Variants in DENND4A observed in about 807,000 individuals in gnomAD.
DENND4A encodes DENN domain containing 4A.
DENND4A carries 70 observed loss-of-function variants against 199.3 expected under a neutral mutation model. That is an observed-to-expected ratio of 0.35 (90% confidence interval 0.29 to 0.43). The LOEUF (loss-of-function observed/expected upper bound fraction) is 0.43. DENND4A is among the 20% of genes least tolerant of loss of function. The probability of loss-of-function intolerance (pLI) is 1.00; values close to 1 mark genes in which losing one functional copy is unlikely to be tolerated. For missense variants in DENND4A, 1,723 were observed against 2,255.8 expected (o/e 0.76, Z 4.78); for synonymous variants, 686 against 766.9 (o/e 0.89, Z 1.74).
At chr15:65,717,718 T>C in intron 13 of DENND4A, 60 bp downstream of exon 13, 3 of 1,383,742 alleles carry the variant, frequency 2.2e-6, no homozygotes, top group Non-Finnish European at 2.9e-6. Flanking sequence ...AGACAGCAAA[T>C]GAATCATCAC....
At chr15:65,671,308 C>T (rs1467177803) in intron 25 of DENND4A, among the ~76,000 whole-genome samples, 2 of 152,222 alleles carry the variant, frequency 1.3e-5, no homozygotes, top group Non-Finnish European at 2.9e-5. Flanking sequence ...ATCTGAAATA[C>T]TGGATATCCA....
rs1183824274 is a variant in DENND4A at position 65,690,487 on chromosome 15, A to G, written c.4107T>C (p.Thr1369=). 1 of 1,612,036 alleles carries G rather than the reference A, an allele frequency of 6.2e-7. No homozygotes were observed. ...KLDVLRNSMF[T]AGKGVAEKAS... is the part of the protein sequence containing the mutation. The stretch of plus-strand genomic sequence containing the variant: ...CTTTCTCTGCAACTCCTTTTCCAGC[A>G]GTGAACATACTGTTTCTTAGAACAT... The change falls in exon 23 of 33, where the codon ACT becomes ACC. Residue 1369 remains threonine, a synonymous_variant. Coordinates refer to ENST00000443035, the MANE Select transcript of DENND4A (RefSeq NM_001320835.1).
chr15:65,717,968 G>A lies in DENND4A; in HGVS notation c.1617C>T (p.Leu539=), dbSNP rs2075460740. The change falls in exon 13 of 33, where the codon CTC becomes CTT. Residue 539 remains leucine (L), a synonymous_variant. Transcript: ENST00000443035. The stretch of plus-strand genomic sequence containing the variant: ...CATAGTCATTTATTGCTAAATCCAT[G>A]AGTCCATCATCTCTCGGTCTCTGCT... ...KLQQRPRDDG[L]MDLAINDYDF... 17 of 1,605,588 alleles carry A rather than the reference G, an allele frequency of 1.1e-5. No homozygotes were observed. Among genetic ancestry groups the A allele is most frequent in the South Asian group, 2.2e-5 (2 of 89,454 alleles).
At chr15:65,675,519 A>G (rs1323875415) in intron 24 of DENND4A, among the ~76,000 whole-genome samples, 1 of 152,094 alleles carries the variant, frequency 6.6e-6, no homozygotes, top group Non-Finnish European at 1.5e-5. Flanking sequence ...TTATATAAGC[A>G]ACAAAGGATT....
chr15:65,745,099 A>G (rs2076355115), intron 4 of DENND4A, among the ~76,000 whole-genome samples: 1 of 152,224 alleles, frequency 6.6e-6, no homozygotes, highest in South Asian at 2.1e-4. Flanking sequence ...CAATGAGAAG[A>G]TATCATAAAT....
chr15:65,779,599 C>CCTGCTTGG, intron 1 of DENND4A, among the ~76,000 whole-genome samples: 1 of 152,098 alleles, frequency 6.6e-6, no homozygotes. Context: ...AAGTGATCCT[C>CCTGCTTGG]CCACCTCAGC....
At chr15:65,697,026 T>A in intron 21 of DENND4A, 1 of 381,004 alleles carries the variant, frequency 2.6e-6, no homozygotes, top group Non-Finnish European at 4.7e-6. Context: ...ATTTTTGGAA[T>A]TACGTAGCAT....
chr15:65,751,069 C>T (rs558133008), intron 4 of DENND4A, among the ~76,000 whole-genome samples: 134 of 152,220 alleles, frequency 8.8e-4, no homozygotes, highest in African/African-American at 3.1e-3. Flanking sequence ...ATTGTATGAC[C>T]TGTAAAACTT....
chr15:65,718,083 G>T, intron 12 of DENND4A, 87 bp from the exon 13 acceptor site: 1 of 976,084 alleles, frequency 1.0e-6, no homozygotes, highest in Non-Finnish European at 1.5e-6. Context: ...ATTTTCAAAA[G>T]GACCCAAGCT....
At position 65,680,571 on chromosome 15, in the gene DENND4A, G is replaced by T. The variant is rs925281219; in HGVS notation, c.4180-3937C>A. 17 of 152,108 alleles carry T rather than the reference G, an allele frequency of 1.1e-4. 1 individual carries two copies. Among genetic ancestry groups the T allele is most frequent in the Non-Finnish European group, 2.5e-4 (17 of 68,008 alleles). The allele number at this position is 152,108 out of a possible 1,614,324, so 9.4% of individuals were successfully genotyped here. On this transcript the variant is annotated intron_variant, in intron 23 of 32. Transcript: ENST00000443035. ...GTTTGAGTAGATTATAAAAAAGAAT[G>T]ATTTTACATTGAGAGACATTAAATT...
chr15:65,666,459 C>A (rs1036773816), intron 29 of DENND4A, among the ~76,000 whole-genome samples: 1 of 152,186 alleles, frequency 6.6e-6, no homozygotes, highest in African/African-American at 2.4e-5. Flanking sequence ...CACGAAATTT[C>A]ATCATGCTAC....
intron 12 of DENND4A, among the ~76,000 whole-genome samples, chr15:65,720,030 A>G (rs2075562271): frequency 6.6e-6 from 1 of 152,218 alleles, no homozygotes; most frequent in Non-Finnish European, 1.5e-5. Context: ...TTCAGAAGGA[A>G]AGGCAAATAA....
intron 22 of DENND4A, among the ~76,000 whole-genome samples, chr15:65,695,634 T>C (rs542004384): frequency 2.0e-5 from 3 of 152,314 alleles, no homozygotes; most frequent in South Asian, 2.1e-4. Flanking sequence ...ATATTTTTTA[T>C]ATTACAACAT....
rs1285655787 is a variant in DENND4A, at chr15:65,660,154, A to T, written c.*1697T>A. On this transcript the variant is annotated 3_prime_UTR_variant, in exon 33 of 33. Coordinates refer to ENST00000443035, the MANE Select transcript of DENND4A (RefSeq NM_001320835.1). ...TTGGATCTGAATAGTAAAGAATAAT[A>T]TTGGAGTGGTATTTACAAAGGAGAG... 1 of 645,524 alleles carries T rather than the reference A, an allele frequency of 1.5e-6. No individual in the cohort carries two copies. The highest frequency in any genetic ancestry group is 2.7e-6 in the Non-Finnish European group (1 of 364,534). The allele number at this position is 645,524 out of a possible 1,614,324, so 40.0% of individuals were successfully genotyped here.
intron 1 of DENND4A, among the ~76,000 whole-genome samples, chr15:65,778,212 A>G (rs1422535308): frequency 3.3e-5 from 5 of 152,140 alleles, no homozygotes; most frequent in Non-Finnish European, 5.9e-5. Flanking sequence ...TGAGAGATTA[A>G]TAGGGAATTT....
chr15:65,738,765 T>C lies in DENND4A; in HGVS notation c.742A>G (p.Ser248Gly). ...GAAAATACAGGCAGAGGGTATTTGC[T>C]ATTTGATGGCCAACATTCAATGGTT... Reference protein sequence around the residue: ...GATIECWPSNSKYPLPVFSTF... With the variant: ...GATIECWPSNGKYPLPVFSTF... The change falls in exon 6 of 33, where the codon AGC becomes GGC. Residue 248 changes from serine (S) to glycine (G), a missense_variant. Ser to Gly is a moderately conservative substitution (Grantham distance 56). This residue lies in a region of DENND4A where 725 missense variants were observed against 952.9 expected (regional missense o/e 0.76). Transcript: ENST00000443035. 2.5e-6 allele frequency: 4 copies of C among 1,613,108 alleles called. No homozygotes were observed. Among genetic ancestry groups the C allele is most frequent in the Non-Finnish European group, 3.4e-6 (4 of 1,179,436 alleles).
At chr15:65,715,319 A>G in intron 14 of DENND4A, 159 bp downstream of exon 14, 2 of 619,566 alleles carry the variant, frequency 3.2e-6, no homozygotes, top group Non-Finnish European at 5.1e-6. Context: ...TGCATTCTAT[A>G]ATTTCTAGCA....
chr15:65,697,167 G>T, intron 21 of DENND4A, 100 bp downstream of exon 21: 1 of 726,188 alleles, frequency 1.4e-6, no homozygotes, highest in Non-Finnish European at 2.2e-6. Context: ...AGTTATAATG[G>T]AAAAATGGAA....
intron 23 of DENND4A, among the ~76,000 whole-genome samples, chr15:65,678,609 A>T (rs1171405319): frequency 1.3e-5 from 2 of 152,248 alleles, no homozygotes; most frequent in African/African-American, 4.8e-5. Flanking sequence ...CCACCTTACC[A>T]GTTCAAACAG....
Sources: allele counts gnomAD v4.1 joint callset (sites outside exome capture counted in the v4.1 genomes callset), GRCh38; gene constraint gnomAD v4.1.1; regional missense constraint gnomAD v4.1.1; transcripts MANE v1.5; gene names NCBI Gene and HGNC (gene_info 2026-07-23, HGNC 2026-07-21).